The following PRKG1 variants were observed in gnomAD, a reference collection of about 807,000 sequenced individuals.
PRKG1 encodes cGMP-dependent protein kinase 1.
In PRKG1, 35 loss-of-function variants were observed where a neutral mutation model predicts 88.1. The ratio of observed to expected loss-of-function variants is 0.40; its 90% CI spans 0.30 to 0.53. The LOEUF (loss-of-function observed/expected upper bound fraction) is 0.53. Ranked by LOEUF, PRKG1 falls within the 20% of genes least tolerant of loss-of-function variation. The pLI is 0.59. For missense variants in PRKG1, 540 were observed against 839.8 expected (o/e 0.64, Z 4.41); for synonymous variants, 303 against 292.5 (o/e 1.04, Z -0.37).
chr10:51,944,035 G>T (rs1842969403), intron 5 of PRKG1, among the ~76,000 whole-genome samples: 1 of 152,000 alleles, frequency 6.6e-6, no homozygotes, highest in Admixed American at 6.5e-5. Flanking sequence ...AATGGTACCA[G>T]TTCCTCCTTG....
chr10:51,107,364 G>A (rs910036422), intron 1 of PRKG1, among the ~76,000 whole-genome samples: 1 of 152,012 alleles, frequency 6.6e-6, no homozygotes, highest in Non-Finnish European at 1.5e-5. Context: ...TGATTCACAA[G>A]TTTAAAAGGA....
chr10:51,960,807 C>G (rs1843429462), intron 5 of PRKG1, among the ~76,000 whole-genome samples: 1 of 152,106 alleles, frequency 6.6e-6, no homozygotes, highest in Admixed American at 6.6e-5. Context: ...AGCATGATAT[C>G]CGACTTCCCC....
At chr10:51,625,385 G>GTA (rs1287161363) in intron 3 of PRKG1, among the ~76,000 whole-genome samples, 3 of 152,194 alleles carry the variant, frequency 2.0e-5, no homozygotes. Context: ...GCTGAGGCAG[G>GTA]TGAATCACTT....
At chr10:51,305,658 C>T (rs755192354) in intron 2 of PRKG1, among the ~76,000 whole-genome samples, 6 of 152,144 alleles carry the variant, frequency 3.9e-5, no homozygotes, top group East Asian at 1.9e-4. Context: ...CTGATTTCAG[C>T]GTCTTCCTTA....
chr10:51,785,122 TTC>T (rs1341854476), intron 3 of PRKG1, among the ~76,000 whole-genome samples: 8 of 144,066 alleles, frequency 5.6e-5, no homozygotes, highest in African/African-American at 1.7e-4. Flanking sequence ...TGATTTCTTC[TTC>T]TTTTTTTTTT....
Position 52,229,215 on chromosome 10 carries a change from C to T in PRKG1, c.1077-22355C>T, listed in dbSNP as rs552247036. On this transcript the variant is annotated intron_variant, in intron 9 of 17. Transcript: ENST00000373980. ...TAAACATTACTCAAAGGGGTAAAGACATTATAAAAGACCTTTTTATCAAAA... is the reference window on the plus strand; with the variant it reads ...TAAACATTACTCAAAGGGGTAAAGATATTATAAAAGACCTTTTTATCAAAA... 7.2e-5 allele frequency among the ~76,000 whole-genome samples: 11 copies of T among 152,184 alleles called. No homozygotes were observed. The South Asian group carries it at 1.2e-3, about 17-fold the overall frequency.
rs562838906 is a variant in PRKG1, at chr10:51,738,688, G to A, written c.593-65897G>A. Among the ~76,000 whole-genome samples, 207 of 152,160 alleles carry A rather than the reference G, an allele frequency of 1.4e-3. 2 individuals carry two copies. Among genetic ancestry groups the A allele is most frequent in the African/African-American group, 4.8e-3 (199 of 41,512 alleles). ...TTCACCTTGATCTTCACCACAATCT[G>A]TGTCCCTTGGCAAATCATAGCATCT... On this transcript the variant is annotated intron_variant, in intron 3 of 17. Transcript: ENST00000373980.
Position 51,542,496 on chromosome 10 carries a change from T to C in PRKG1, c.592+74660T>C, listed in dbSNP as rs12573408. 7.2e-5 allele frequency among the ~76,000 whole-genome samples: 11 copies of C among 152,256 alleles called. No individual in the cohort carries two copies. The East Asian group carries it at 2.1e-3, about 29-fold the overall frequency. On this transcript the variant is annotated intron_variant, in intron 3 of 17. Transcript: ENST00000373980. ...CCTGTTCCCAACCATTACAAGTAAC[T>C]GACAAACTGTAATCTTTCTTCTATG... is the stretch of plus-strand genomic sequence containing the variant.
chr10:51,721,076 G>A (rs1842000243), intron 3 of PRKG1, among the ~76,000 whole-genome samples: 1 of 151,874 alleles, frequency 6.6e-6, no homozygotes, highest in South Asian at 2.1e-4. Context: ...AGCTGGGCAT[G>A]GTGATGTGTG....
intron 2 of PRKG1, among the ~76,000 whole-genome samples, chr10:51,330,750 AT>A (rs1841720032): frequency 6.6e-6 from 1 of 151,938 alleles, no homozygotes; most frequent in South Asian, 2.1e-4. Context: ...GTTTCTTTAT[AT>A]TTTCTTGGAG....
intron 7 of PRKG1, among the ~76,000 whole-genome samples, chr10:52,125,261 T>G (rs1226230407): frequency 6.6e-6 from 1 of 152,178 alleles, no homozygotes; most frequent in Non-Finnish European, 1.5e-5. Flanking sequence ...ATGGGACTAT[T>G]GTTGCATATG....
At chr10:51,961,004 T>C (rs539356602) in intron 5 of PRKG1, among the ~76,000 whole-genome samples, 4 of 152,312 alleles carry the variant, frequency 2.6e-5, no homozygotes, top group African/African-American at 9.6e-5. Flanking sequence ...GTCTTCATGT[T>C]ATCACACAGG....
intron 3 of PRKG1, among the ~76,000 whole-genome samples, chr10:51,681,930 G>T (rs763188758): frequency 6.6e-6 from 1 of 152,062 alleles, no homozygotes; most frequent in Non-Finnish European, 1.5e-5. Flanking sequence ...ATATATGTGC[G>T]CTATATATAT....
At chr10:51,414,029 G>A (rs992316271) in intron 2 of PRKG1, among the ~76,000 whole-genome samples, 1 of 152,108 alleles carries the variant, frequency 6.6e-6, no homozygotes, top group Non-Finnish European at 1.5e-5. Flanking sequence ...ATGACCATAA[G>A]CAAGTAACTT....
intron 3 of PRKG1, among the ~76,000 whole-genome samples, chr10:51,523,905 A>G (rs1003468586): frequency 2.0e-5 from 3 of 152,294 alleles, no homozygotes; most frequent in African/African-American, 7.2e-5. Flanking sequence ...ATGCCCACCC[A>G]AATTTCGTAA....
intron 3 of PRKG1, among the ~76,000 whole-genome samples, chr10:51,623,115 G>C (rs1214490417): frequency 1.3e-5 from 2 of 152,300 alleles, no homozygotes; most frequent in East Asian, 3.9e-4. Context: ...AGATCACATT[G>C]ATATCTATTT....
intron 4 of PRKG1, among the ~76,000 whole-genome samples, chr10:51,887,027 C>G (rs1263323260): frequency 6.6e-6 from 1 of 152,152 alleles, no homozygotes; most frequent in Non-Finnish European, 1.5e-5. Flanking sequence ...CACTCAGTCA[C>G]CCAGGTCGGA....
At chr10:51,390,609 T>C (rs926475727) in intron 2 of PRKG1, among the ~76,000 whole-genome samples, 2 of 152,228 alleles carry the variant, frequency 1.3e-5, no homozygotes, top group Non-Finnish European at 2.9e-5. Context: ...TTTCCTTTAT[T>C]ATTACATTAG....
At chr10:51,614,869 C>A (rs1674825132) in intron 3 of PRKG1, among the ~76,000 whole-genome samples, 1 of 152,062 alleles carries the variant, frequency 6.6e-6, no homozygotes, top group East Asian at 1.9e-4. Context: ...ATGAAGGATA[C>A]TTTTTCTGAT....
Sources: gnomAD v4.1 joint callset for allele counts (sites outside exome capture counted in the v4.1 genomes callset) on GRCh38, gnomAD v4.1.1 for gene constraint, MANE v1.5 for transcripts, NCBI Gene and HGNC (gene_info 2026-07-23, HGNC 2026-07-21) for gene names.